The following IQCH variants were observed in gnomAD, a reference collection of about 807,000 sequenced individuals.
The protein encoded by IQCH is IQ motif containing H, also known as IQ domain-containing protein H.
IQCH carries 98 observed loss-of-function variants against 117.0 expected under a neutral mutation model. That is an observed-to-expected ratio of 0.84 (90% CI 0.71 to 0.99). The LOEUF is 0.99. IQCH is among the 50% of genes least tolerant of loss of function. The pLI is 0.00. For synonymous variants in IQCH, 412 were observed against 448.2 expected, an observed-to-expected ratio of 0.92 and a Z score of 1.02; for missense variants, 1,102 against 1,243.8, an observed-to-expected ratio of 0.89 and a Z score of 1.72.
chr15:67,333,351 C>T (rs942868921), intron 4 of IQCH, among the ~76,000 whole-genome samples: 1 of 152,156 alleles, frequency 6.6e-6, no homozygotes, highest in Non-Finnish European at 1.5e-5. Flanking sequence ...GAAAAATTTG[C>T]CAGCCCTTGC....
At position 67,459,529 on chromosome 15, in the gene IQCH, C is replaced by A. The variant is rs1385907759; in HGVS notation, c.2506-5598C>A. 1.3e-5 allele frequency among the ~76,000 whole-genome samples: 2 copies of A among 152,174 alleles called. No homozygotes were observed. Among genetic ancestry groups the A allele is most frequent in the African/African-American group, 4.8e-5 (2 of 41,448 alleles). On this transcript the variant is annotated intron_variant, in intron 16 of 20. Coordinates refer to ENST00000335894, the MANE Select transcript of IQCH (RefSeq NM_001031715.3). This position sits in a 1 kb window ranked among gnomAD's most constrained non-coding sequence, Gnocchi z 4.2. ...GGCAGCCTCCATCTGCTGAGAACACCTCAGGCAAAAAGGGCTCAAGACCAG... is the reference window on the plus strand; with the variant it reads ...GGCAGCCTCCATCTGCTGAGAACACATCAGGCAAAAAGGGCTCAAGACCAG...
intron 16 of IQCH, among the ~76,000 whole-genome samples, chr15:67,442,302 C>T (rs893236376): frequency 7.9e-5 from 12 of 151,788 alleles, no homozygotes; most frequent in Admixed American, 1.3e-4. Context: ...CCCAGCTACT[C>T]GGGAGGCTGA....
At position 67,445,095 on chromosome 15, in the gene IQCH, A is replaced by T. The variant is rs2082362242; in HGVS notation, c.2506-20032A>T. Among the ~76,000 whole-genome samples the T allele has an allele frequency of 1.3e-5, 2 of 152,170 alleles. No individual in the cohort carries two copies. Among genetic ancestry groups the T allele is most frequent in the African/African-American group, 4.8e-5 (2 of 41,424 alleles). ...TGGTGGCTTTGGTATGATTTTTTTTAAAGGAAATATCAGATAATCCATTGC... is the reference window on the plus strand; with the variant it reads ...TGGTGGCTTTGGTATGATTTTTTTTTAAGGAAATATCAGATAATCCATTGC... On this transcript the variant is annotated intron_variant, in intron 16 of 20. Coordinates refer to ENST00000335894, the MANE Select transcript of IQCH (RefSeq NM_001031715.3). The surrounding 1 kb of genome is among the most constrained non-coding windows in gnomAD (Gnocchi z 4.3).
Position 67,400,321 on chromosome 15 carries a change from T to C in IQCH, c.2097+16T>C. ...ATGGGCACAAGTGAGTATTCAATGG[T>C]GACTTAAACCCGCAGGGTCTGTGAA... On this transcript the variant is annotated intron_variant, in intron 14 of 20. Coordinates refer to ENST00000335894, the MANE Select transcript of IQCH (RefSeq NM_001031715.3). 1 of 1,597,698 alleles carries C rather than the reference T, an allele frequency of 6.3e-7. No homozygotes were observed. Among genetic ancestry groups the C allele is most frequent in the Non-Finnish European group, 8.6e-7 (1 of 1,165,548 alleles).
intron 13 of IQCH, among the ~76,000 whole-genome samples, chr15:67,398,451 A>G (rs1276857855): frequency 6.6e-6 from 1 of 152,136 alleles, no homozygotes; most frequent in Non-Finnish European, 1.5e-5. Flanking sequence ...TAAACACCCA[A>G]ATCATCAATA....
intron 16 of IQCH, among the ~76,000 whole-genome samples, chr15:67,441,965 A>G (rs1038567047): frequency 3.3e-5 from 5 of 152,236 alleles, no homozygotes; most frequent in Non-Finnish European, 5.9e-5. Context: ...AGTGGGAGAA[A>G]GTCTTTGCCA....
At chr15:67,478,625 G>C (rs1315571725) in intron 18 of IQCH, among the ~76,000 whole-genome samples, 1 of 151,788 alleles carries the variant, frequency 6.6e-6, no homozygotes, top group Non-Finnish European at 1.5e-5. Flanking sequence ...GGGATAATCA[G>C]AAAGAAAAGG....
In IQCH at chr15:67,413,444, T is replaced by G. The variant is rs1280830529; in HGVS notation, c.2098-3487T>G. Reference sequence around the variant, plus strand: ...GAAACCAGACTGTAAAGGGTTGTTTTGTTGGGGGGATAAAATAAAATGAAG... The same window carrying G: ...GAAACCAGACTGTAAAGGGTTGTTTGGTTGGGGGGATAAAATAAAATGAAG... On this transcript the variant is annotated intron_variant, in intron 14 of 20. Coordinates refer to ENST00000335894, the MANE Select transcript of IQCH (RefSeq NM_001031715.3). The surrounding 1 kb of genome is among the most constrained non-coding windows in gnomAD (Gnocchi z 5.0). 6.6e-6 allele frequency: 1 copy of G among 152,136 alleles called. No individual in the cohort carries two copies. The highest frequency in any genetic ancestry group is 2.4e-5 in the African/African-American group (1 of 41,434). 9.4% of individuals were successfully genotyped at this position (152,136 alleles called of 1,614,324 possible).
chr15:67,268,721 T>C (rs1306285729), intron 3 of IQCH, among the ~76,000 whole-genome samples: 1 of 152,070 alleles, frequency 6.6e-6, no homozygotes, highest in Non-Finnish European at 1.5e-5. Flanking sequence ...ATGGATCCTA[T>C]CTATTCTGGG....
chr15:67,378,769 A>G (rs1168613876), intron 10 of IQCH, among the ~76,000 whole-genome samples: 1 of 152,090 alleles, frequency 6.6e-6, no homozygotes, highest in African/African-American at 2.4e-5. Context: ...GCTTTTCATG[A>G]GATCTATTAA....
Position 67,384,946 on chromosome 15 carries a change from G to A in IQCH, c.1383G>A (p.Gln461=). 1 of 1,610,724 alleles carries A rather than the reference G, an allele frequency of 6.2e-7. No individual in the cohort carries two copies. The highest frequency in any genetic ancestry group is 2.2e-5 in the East Asian group (1 of 44,834). ...TTGTTTGCCTTTTAGGGTATTCCCA[G>A]CCTGTGAGAGAACATATTGCCGATT... ...IIHIPSLGYS[Q]PVREHIADFN... The change falls in exon 11 of 21, where the codon CAG becomes CAA. Residue 461 remains glutamine (Q), a synonymous_variant. Transcript: ENST00000335894. The surrounding 1 kb of genome is among the most constrained non-coding windows in gnomAD (Gnocchi z 4.3).
In IQCH at chr15:67,425,039, A is replaced by T. The variant is rs1430977281; in HGVS notation, c.2505+3462A>T. Reference sequence around the variant, plus strand: ...TTTTTGTCAGTCTAACAGGTTAAAAATTTTTTGTTTTATTCAGCATTTCTT... The same window carrying T: ...TTTTTGTCAGTCTAACAGGTTAAAATTTTTTTGTTTTATTCAGCATTTCTT... On this transcript the variant is annotated intron_variant, in intron 16 of 20. Coordinates refer to ENST00000335894, the MANE Select transcript of IQCH (RefSeq NM_001031715.3). This position sits in a 1 kb window ranked among gnomAD's most constrained non-coding sequence, Gnocchi z 5.5. 6.6e-6 allele frequency among the ~76,000 whole-genome samples: 1 copy of T among 152,148 alleles called. No individual in the cohort carries two copies. The highest frequency in any genetic ancestry group is 6.5e-5 in the Admixed American group (1 of 15,270).
At chr15:67,259,790 T>C (rs1206569595) in intron 1 of IQCH, among the ~76,000 whole-genome samples, 1 of 152,216 alleles carries the variant, frequency 6.6e-6, no homozygotes, top group Non-Finnish European at 1.5e-5. Flanking sequence ...AGATGGCAAA[T>C]CAGCTTGCAG....
chr15:67,500,736 C>G lies in IQCH; in HGVS notation c.3074C>G (p.Pro1025Arg). ...QSKDDKNLSKPKK is the reference protein window; with the variant it reads ...QSKDDKNLSKRKK ...AAAGATGATAAAAACCTCTCTAAACCCAAGAAATGATCCTGGAATACAGTA... is the reference window on the plus strand; with the variant it reads ...AAAGATGATAAAAACCTCTCTAAACGCAAGAAATGATCCTGGAATACAGTA... The change falls in exon 21 of 21, where the codon CCC becomes CGC. Residue 1025 changes from proline (P) to arginine (R), a missense_variant. Coordinates refer to ENST00000335894, the MANE Select transcript of IQCH (RefSeq NM_001031715.3). This position sits in a 1 kb window ranked among gnomAD's most constrained non-coding sequence, Gnocchi z 4.4. The G allele has an allele frequency of 6.4e-7, 1 of 1,553,930 alleles. No homozygotes were observed. Among genetic ancestry groups the G allele is most frequent in the East Asian group, 2.3e-5 (1 of 44,250 alleles).
intron 4 of IQCH, among the ~76,000 whole-genome samples, chr15:67,329,821 TACACACAC>T (rs35445898): frequency 6.7e-6 from 1 of 148,846 alleles, no homozygotes; most frequent in Admixed American, 6.7e-5. Flanking sequence ...GAGTGAATTA[TACACACAC>T]ACACACACAC....
chr15:67,423,966 G>C (rs2081819895), intron 16 of IQCH, among the ~76,000 whole-genome samples: 1 of 152,168 alleles, frequency 6.6e-6, no homozygotes, highest in Non-Finnish European at 1.5e-5. Flanking sequence ...GTTGACTTGT[G>C]GCTTTTATTT....
At chr15:67,352,011 GT>G (rs1969684445) in intron 6 of IQCH, among the ~76,000 whole-genome samples, 1 of 151,910 alleles carries the variant, frequency 6.6e-6, no homozygotes, top group African/African-American at 2.4e-5. Flanking sequence ...GACTGTTTCT[GT>G]TTGTGCCTTG....
At chr15:67,429,254 G>C (rs183963129) in intron 16 of IQCH, among the ~76,000 whole-genome samples, 103 of 152,304 alleles carry the variant, frequency 6.8e-4, no homozygotes, top group Middle Eastern at 3.4e-3. Flanking sequence ...TGGCTCATGT[G>C]TATAAACCCA....
chr15:67,338,497 T>C (rs955411605), intron 5 of IQCH, among the ~76,000 whole-genome samples: 1 of 152,152 alleles, frequency 6.6e-6, no homozygotes, highest in Non-Finnish European at 1.5e-5. Flanking sequence ...CACAGAAATA[T>C]AAATACAGTG....
Sources: allele counts gnomAD v4.1 joint callset (sites outside exome capture counted in the v4.1 genomes callset), GRCh38; gene constraint gnomAD v4.1.1; non-coding constraint Gnocchi (gnomAD v3.1); transcripts MANE v1.5; gene names NCBI Gene and HGNC (gene_info 2026-07-23, HGNC 2026-07-21).